Variants in RIN3 observed in about 807,000 individuals in gnomAD.
The protein encoded by RIN3 is Ras and Rab interactor 3.
A neutral mutation model predicts 76.3 loss-of-function variants in RIN3; 54 were observed. That is an observed-to-expected ratio of 0.71 (90% CI 0.57 to 0.89). RIN3 has a LOEUF of 0.89. Among genes scored for constraint, RIN3 ranks in the 40% least tolerant of loss-of-function variants. RIN3 has a pLI of 0.00. For synonymous variants in RIN3, 576 were observed against 564.0 expected, an observed-to-expected ratio of 1.02 and a Z score of -0.30; for missense variants, 1,256 against 1,322.1, an observed-to-expected ratio of 0.95 and a Z score of 0.78.
intron 6 of RIN3, among the ~76,000 whole-genome samples, chr14:92,654,288 T>A (rs1466737120): frequency 6.7e-6 from 1 of 149,430 alleles, no homozygotes; most frequent in Non-Finnish European, 1.5e-5. Context: ...CACTCCAGCC[T>A]GGGCGACAAG....
rs376486145 is a variant in RIN3, at chr14:92,651,718, C to T, written c.669C>T (p.Ile223=). The change falls in exon 6 of 10, where the codon ATC becomes ATT. Residue 223 remains isoleucine (I), a synonymous_variant. Coordinates refer to ENST00000216487, the MANE Select transcript of RIN3 (RefSeq NM_024832.5). ...TAHDANCACE[I]ELSVGNDRLW... ...ATGACGCAAACTGTGCCTGTGAAAT[C>T]GAGCTGTCGGTAGGAAATGACCGCC... is the stretch of plus-strand genomic sequence containing the variant. 7 of 1,614,134 alleles carry T rather than the reference C, an allele frequency of 4.3e-6. No homozygotes were observed. Among genetic ancestry groups the T allele is most frequent in the Admixed American group, 3.3e-5 (2 of 60,018 alleles).
chr14:92,674,572 C>T (rs1276621733), intron 7 of RIN3, among the ~76,000 whole-genome samples: 1 of 151,988 alleles, frequency 6.6e-6, no homozygotes, highest in African/African-American at 2.4e-5. Flanking sequence ...CCACCATACT[C>T]CAGCCTGGGC....
chr14:92,659,788 G>T (rs1257001088), intron 7 of RIN3, among the ~76,000 whole-genome samples: 2 of 152,220 alleles, frequency 1.3e-5, no homozygotes, highest in African/African-American at 2.4e-5. Context: ...AAGCTGAGTG[G>T]CTTAGCCAGC....
intron 3 of RIN3, among the ~76,000 whole-genome samples, chr14:92,606,246 A>G (rs1885523287): frequency 6.6e-6 from 1 of 152,170 alleles, no homozygotes; most frequent in Admixed American, 6.5e-5. Flanking sequence ...TAGAATATAT[A>G]AAGAACTCTC....
chr14:92,534,573 G>A (rs1327246024), intron 1 of RIN3, among the ~76,000 whole-genome samples: 1 of 144,932 alleles, frequency 6.9e-6, no homozygotes, highest in Non-Finnish European at 1.5e-5. Context: ...GGGTGACAGA[G>A]TGAGACTCCA....
chr14:92,676,245 C>T (rs1483116186), intron 7 of RIN3, among the ~76,000 whole-genome samples: 1 of 151,966 alleles, frequency 6.6e-6, no homozygotes. Context: ...TCCACCCAGC[C>T]GAGGGCACTT....
intron 1 of RIN3, among the ~76,000 whole-genome samples, chr14:92,524,455 C>T (rs990239886): frequency 2.0e-5 from 3 of 152,200 alleles, no homozygotes; most frequent in Non-Finnish European, 4.4e-5. Context: ...ACTTGAATTC[C>T]CCTTTCCAGG....
chr14:92,650,450 C>T (rs758825541), intron 5 of RIN3, among the ~76,000 whole-genome samples: 19 of 152,348 alleles, frequency 1.2e-4, no homozygotes, highest in Non-Finnish European at 2.1e-4. Flanking sequence ...TGGATGTTTG[C>T]TCCTCTGATT....
In RIN3 at chr14:92,652,661, T is replaced by G. The variant is rs1288528839; in HGVS notation, c.1612T>G (p.Leu538Val). ...CTCCCTGGCCTCCCTCTCAGACAGC[T>G]TGGGGGTGTCTGTCATGGCCACCGA... ...KGSLASLSDS[L>V]GVSVMATDQD... The change falls in exon 6 of 10, where the codon TTG (leucine) becomes GTG (valine). Residue 538 changes from leucine (L) to valine (V), a missense_variant. By Grantham distance (32) the Leu-to-Val change is conservative. Around this residue, in one of 3 missense-constraint regions of RIN3, gnomAD observed 428 missense variants for 521.2 expected, o/e 0.82. Transcript: ENST00000216487. This position sits in a 1 kb window ranked among gnomAD's most constrained non-coding sequence, Gnocchi z 6.4. The G allele has an allele frequency of 6.2e-7, 1 of 1,612,466 alleles. No homozygotes were observed. The highest frequency in any genetic ancestry group is 1.7e-5 in the Admixed American group (1 of 60,012).
At chr14:92,668,043 G>A (rs973549290) in intron 7 of RIN3, among the ~76,000 whole-genome samples, 1 of 152,174 alleles carries the variant, frequency 6.6e-6, no homozygotes, top group African/African-American at 2.4e-5. Context: ...ATTGTGTCTA[G>A]CATTTACTAG....
In RIN3 at chr14:92,643,822, G is replaced by A. The variant is rs142335082; in HGVS notation, c.532+2493G>A. Reference sequence around the variant, plus strand: ...ATGTGCCTGTAATCCCAGCTACTCCGGAGGCTGAGGCAGGAGAATTGCTTG... The same window carrying A: ...ATGTGCCTGTAATCCCAGCTACTCCAGAGGCTGAGGCAGGAGAATTGCTTG... On this transcript the variant is annotated intron_variant, in intron 5 of 9. Transcript: ENST00000216487. The surrounding 1 kb of genome is among the most constrained non-coding windows in gnomAD (Gnocchi z 4.8). Among the ~76,000 whole-genome samples, 723 of 152,230 alleles carry A rather than the reference G, an allele frequency of 4.7e-3. 9 individuals carry two copies. Among genetic ancestry groups the A allele is most frequent in the African/African-American group, 0.015 (621 of 41,532 alleles).
intron 2 of RIN3, among the ~76,000 whole-genome samples, chr14:92,560,453 T>A (rs1291524795): frequency 6.6e-6 from 1 of 152,160 alleles, no homozygotes; most frequent in African/African-American, 2.4e-5. Flanking sequence ...CCTGAGTGCA[T>A]GTGCTGTTAC....
intron 1 of RIN3, among the ~76,000 whole-genome samples, chr14:92,554,222 C>A (rs1218637506): frequency 6.6e-6 from 1 of 152,144 alleles, no homozygotes; most frequent in African/African-American, 2.4e-5. Context: ...ATGCGAGGCT[C>A]CGAGATGTTG....
rs535960231 is a variant in RIN3 at position 92,625,098 on chromosome 14, C to T, written c.440+9619C>T. ...TAGAAGACAGACCAAGTATATAATTCCTAAGGAACTGATCTTTGGTCTCAA... is the reference window on the plus strand; with the variant it reads ...TAGAAGACAGACCAAGTATATAATTTCTAAGGAACTGATCTTTGGTCTCAA... On this transcript the variant is annotated intron_variant, in intron 4 of 9. Coordinates refer to ENST00000216487, the MANE Select transcript of RIN3 (RefSeq NM_024832.5). Among the ~76,000 whole-genome samples the T allele has an allele frequency of 8.5e-5, 13 of 152,304 alleles. No individual in the cohort carries two copies. The South Asian group carries it at 2.5e-3, about 29-fold the overall frequency.
At chr14:92,557,016 A>ACT (rs1460961540) in intron 2 of RIN3, among the ~76,000 whole-genome samples, 5 of 151,432 alleles carry the variant, frequency 3.3e-5, no homozygotes, top group African/African-American at 1.2e-4. Context: ...AAAGCCCTAC[A>ACT]CTCCCTCCCC....
In RIN3 at chr14:92,659,141, G is replaced by C; in HGVS notation, c.2027-20G>C. The C allele has an allele frequency of 6.2e-7, 1 of 1,612,612 alleles. No individual in the cohort carries two copies. The highest frequency in any genetic ancestry group is 8.5e-7 in the Non-Finnish European group (1 of 1,179,110). ...CCCTGCATCTGGTTTCCTCACCCTC[G>C]CTCTCTTGTTTACCTGCAGAAGCAA... On this transcript the variant is annotated intron_variant, in intron 6 of 9. Coordinates refer to ENST00000216487, the MANE Select transcript of RIN3 (RefSeq NM_024832.5).
chr14:92,599,269 G>A (rs557444420), intron 3 of RIN3, among the ~76,000 whole-genome samples: 4 of 152,096 alleles, frequency 2.6e-5, no homozygotes, highest in Admixed American at 6.5e-5. Flanking sequence ...TGGAGTTCAG[G>A]GGAGGTTGCC....
At chr14:92,589,913 G>A (rs1216243674) in intron 3 of RIN3, among the ~76,000 whole-genome samples, 3 of 152,222 alleles carry the variant, frequency 2.0e-5, no homozygotes, top group Non-Finnish European at 2.9e-5. Context: ...TCATAAAGGT[G>A]GGGTCACAGG....
Position 92,646,866 on chromosome 14 carries a change from G to A in RIN3, c.533-4716G>A, listed in dbSNP as rs181138370. On this transcript the variant is annotated intron_variant, in intron 5 of 9. Transcript: ENST00000216487. ...TTTCTTTTCCTTAATACACCTAGAC[G>A]CAACTGAAAATACAGTTTTGGTTTC... is the stretch of plus-strand genomic sequence containing the variant. Among the ~76,000 whole-genome samples the A allele has an allele frequency of 1.3e-3, 192 of 152,276 alleles. 1 individual carries two copies. The highest frequency in any genetic ancestry group is 5.6e-3 in the South Asian group (27 of 4,812).
Sources: gnomAD v4.1 joint callset for allele counts (sites outside exome capture counted in the v4.1 genomes callset) on GRCh38, gnomAD v4.1.1 for gene constraint, gnomAD v4.1.1 regional missense constraint, Gnocchi (gnomAD v3.1) non-coding constraint, MANE v1.5 for transcripts, NCBI Gene and HGNC (gene_info 2026-07-23, HGNC 2026-07-21) for gene names.